RYR2: variants seen among roughly 807,000 people sequenced by gnomAD.
RYR2 encodes cardiac muscle ryanodine receptor-calcium release channel.
A neutral mutation model predicts 601.1 loss-of-function variants in RYR2; 227 were observed. That is an observed-to-expected ratio of 0.38 (90% CI 0.34 to 0.42). The LOEUF is 0.42. Ranked by LOEUF, RYR2 falls within the 10% of genes least tolerant of loss-of-function variation. The pLI, the probability that RYR2 is intolerant of heterozygous loss-of-function variation, is 1.00. For missense variants in RYR2, 4,646 were observed against 6,156.5 expected, an observed-to-expected ratio of 0.75 and a Z score of 8.21; for synonymous variants, 2,223 against 2,175.1, an observed-to-expected ratio of 1.02 and a Z score of -0.61.
rs577416427 is a variant in RYR2 at position 237,417,057 on chromosome 1, A to G, written c.782A>G (p.His261Arg). 39 of 1,613,756 alleles carry G rather than the reference A, an allele frequency of 2.4e-5. No individual in the cohort carries two copies. The highest frequency in any genetic ancestry group is 3.3e-5 in the Non-Finnish European group (39 of 1,179,802). ...TTTGTTTGTTGAAACAGAACTGTTC[A>G]TTATGAAGGTGGCGCTGTGTCTGTT... Reference protein sequence around the residue: ...EHGEEQRRTVHYEGGAVSVHA... With the variant: ...EHGEEQRRTVRYEGGAVSVHA... Residue 261 changes from histidine to arginine, a missense_variant, in exon 11 of 105, where the codon CAT becomes CGT. His to Arg is a conservative substitution (Grantham distance 29). Around this residue, in one of 17 missense-constraint regions of RYR2, gnomAD observed 87 missense variants for 144.7 expected, o/e 0.60. Coordinates refer to ENST00000366574, the MANE Select transcript of RYR2 (RefSeq NM_001035.3).
intron 10 of RYR2, among the ~76,000 whole-genome samples, chr1:237,399,836 A>G (rs1026843716): frequency 6.6e-6 from 1 of 152,140 alleles, no homozygotes; most frequent in Non-Finnish European, 1.5e-5. Context: ...TAACCAAGTG[A>G]ACAAATGTGA....
At chr1:237,105,016 T>C (rs2148541317) in intron 1 of RYR2, among the ~76,000 whole-genome samples, 1 of 152,334 alleles carries the variant, frequency 6.6e-6, no homozygotes, top group East Asian at 1.9e-4. Flanking sequence ...GAAATTTCAG[T>C]GCAGAAAGGC....
intron 17 of RYR2, among the ~76,000 whole-genome samples, chr1:237,485,843 G>C (rs1024937951): frequency 1.3e-5 from 2 of 152,206 alleles, no homozygotes; most frequent in African/African-American, 4.8e-5. Flanking sequence ...CTATGCTAAG[G>C]GGAGTGGACT....
intron 1 of RYR2, among the ~76,000 whole-genome samples, chr1:237,221,827 T>C (rs137910345): frequency 6.6e-6 from 1 of 152,224 alleles, no homozygotes; most frequent in Non-Finnish European, 1.5e-5. Flanking sequence ...AGGGTCAAGC[T>C]GGACCTTTCA....
At chr1:237,823,293 T>G (rs1662721914) in intron 101 of RYR2, among the ~76,000 whole-genome samples, 1 of 152,196 alleles carries the variant, frequency 6.6e-6, no homozygotes, top group African/African-American at 2.4e-5. Context: ...AAAATGCTCC[T>G]CAGCAACTGC....
rs1318280591 is a variant in RYR2 at position 237,180,817 on chromosome 1, A to T, written c.49-89680A>T. The stretch of plus-strand genomic sequence containing the variant: ...CAATTATATAATAATTACTAATTTC[A>T]ATCATGTAAATATATATCAATATTA... On this transcript the variant is annotated intron_variant, in intron 1 of 104. Transcript: ENST00000366574. This position sits in a 1 kb window ranked among gnomAD's most constrained non-coding sequence, Gnocchi z 5.3. 6.8e-6 allele frequency among the ~76,000 whole-genome samples: 1 copy of T among 147,938 alleles called. No individual in the cohort carries two copies. The highest frequency in any genetic ancestry group is 2.5e-5 in the African/African-American group (1 of 40,720).
chr1:237,096,463 A>G (rs1016118709), intron 1 of RYR2, among the ~76,000 whole-genome samples: 5 of 152,228 alleles, frequency 3.3e-5, no homozygotes, highest in African/African-American at 1.2e-4. Flanking sequence ...GGCGGATAAC[A>G]AGACTGGAAA....
chr1:237,486,519 T>C (rs1489283472), intron 17 of RYR2, among the ~76,000 whole-genome samples: 1 of 143,526 alleles, frequency 7.0e-6, no homozygotes, highest in Non-Finnish European at 1.5e-5. Flanking sequence ...GGATGAAGTA[T>C]AAGACTTAAA....
rs1678288792 is a variant in RYR2 at position 237,614,823 on chromosome 1, C to T, written c.5695C>T (p.Pro1899Ser). Residue 1899 changes from proline to serine, a missense_variant, in exon 37 of 105, where the codon CCA becomes TCA. Physicochemically the swap from Pro to Ser is moderately conservative, Grantham distance 74 (BLOSUM62 -1). Coordinates refer to ENST00000366574, the MANE Select transcript of RYR2 (RefSeq NM_001035.3). This position sits in a 1 kb window ranked among gnomAD's most constrained non-coding sequence, Gnocchi z 4.3. Reference protein sequence around the residue: ...PKEGLLQMKLPEPVKLQMCLL... With the variant: ...PKEGLLQMKLSEPVKLQMCLL... ...GGAAGGCCTGCTCCAAATGAAACTG[C>T]CAGAGCCAGTTAAATTGCAGGTAAT... 6.4e-7 allele frequency: 1 copy of T among 1,574,422 alleles called. No homozygotes were observed. The highest frequency in any genetic ancestry group is 1.2e-5 in the South Asian group (1 of 84,374).
At chr1:237,322,123 G>A (rs1695683425) in intron 2 of RYR2, among the ~76,000 whole-genome samples, 1 of 152,094 alleles carries the variant, frequency 6.6e-6, no homozygotes, top group South Asian at 2.1e-4. Flanking sequence ...TTTAGCTCTT[G>A]CCATTTCAAA....
intron 3 of RYR2, among the ~76,000 whole-genome samples, chr1:237,353,107 GCTCAAAGC>G (rs1470396306): frequency 1.3e-5 from 2 of 152,078 alleles, no homozygotes; most frequent in African/African-American, 4.8e-5. Flanking sequence ...AAAATGTATG[GCTCAAAGC>G]CTGCCACATG....
At chr1:237,321,945 GA>G (rs557670556) in intron 2 of RYR2, among the ~76,000 whole-genome samples, 2 of 152,160 alleles carry the variant, frequency 1.3e-5, no homozygotes, top group Non-Finnish European at 2.9e-5. Flanking sequence ...TACCTATAAG[GA>G]AGTGGACTAT....
At chr1:237,394,692 G>A (rs1337460196) in intron 10 of RYR2, among the ~76,000 whole-genome samples, 3 of 152,148 alleles carry the variant, frequency 2.0e-5, no homozygotes. Context: ...TGAGGGACTT[G>A]TATAGCCCAG....
At chr1:237,277,287 T>G (rs767639809) in intron 2 of RYR2, among the ~76,000 whole-genome samples, 5 of 152,162 alleles carry the variant, frequency 3.3e-5, no homozygotes, top group Middle Eastern at 3.2e-3. Flanking sequence ...CACGCTTCAG[T>G]TCAAAATCAG....
Position 237,735,167 on chromosome 1 carries a change from A to C in RYR2, c.11091+1411A>C, listed in dbSNP as rs80354435. Among the ~76,000 whole-genome samples, 24 of 152,324 alleles carry C rather than the reference A, an allele frequency of 1.6e-4. No individual in the cohort carries two copies. The East Asian group carries it at 2.5e-3, about 16-fold the overall frequency. On this transcript the variant is annotated intron_variant, in intron 79 of 104. Coordinates refer to ENST00000366574, the MANE Select transcript of RYR2 (RefSeq NM_001035.3). ...GAAAATCTCCAGATTTATTTCATGT[A>C]TATCACATAAGCAGAGTAAGAACAG...
At chr1:237,577,535 T>C (rs1055778711) in intron 29 of RYR2, among the ~76,000 whole-genome samples, 31 of 74,996 alleles carry the variant, frequency 4.1e-4, no homozygotes, top group Middle Eastern at 7.2e-3. Flanking sequence ...TGTGTGTGTG[T>C]GCGTGTGTGT....
At chr1:237,463,639 G>T (rs1659727804) in intron 16 of RYR2, among the ~76,000 whole-genome samples, 1 of 152,074 alleles carries the variant, frequency 6.6e-6, no homozygotes, top group African/African-American at 2.4e-5. Context: ...AAGGGAGTTG[G>T]AGACCATCCT....
At chr1:237,420,743 T>TA (rs1284574724) in intron 11 of RYR2, among the ~76,000 whole-genome samples, 3 of 152,238 alleles carry the variant, frequency 2.0e-5, no homozygotes. Flanking sequence ...ATCTTCCAGA[T>TA]ACGCTAGCAA....
chr1:237,573,698 G>A (rs909997213), intron 29 of RYR2, among the ~76,000 whole-genome samples: 2 of 151,652 alleles, frequency 1.3e-5, no homozygotes, highest in Non-Finnish European at 2.9e-5. Flanking sequence ...TGTAGTTCCA[G>A]CTACTCGGGA....
Sources: allele counts gnomAD v4.1 joint callset (sites outside exome capture counted in the v4.1 genomes callset), GRCh38; gene constraint gnomAD v4.1.1; regional missense constraint gnomAD v4.1.1; non-coding constraint Gnocchi (gnomAD v3.1); transcripts MANE v1.5; gene names NCBI Gene and HGNC (gene_info 2026-07-23, HGNC 2026-07-21).